Variants in EBF1 observed in about 807,000 individuals in gnomAD.
EBF1 encodes the protein EBF transcription factor 1.
Under a neutral mutation model 68.4 loss-of-function variants are expected in EBF1, and 10 were observed. The observed-to-expected ratio is 0.15, with a 90% CI of 0.09 to 0.25. The LOEUF is 0.25. EBF1 is among the 10% of genes least tolerant of loss of function. EBF1 has a pLI of 1.00. For missense variants in EBF1, 509 were observed against 794.4 expected (o/e 0.64, Z 4.32); for synonymous variants, 298 against 299.8 (o/e 0.99, Z 0.06).
rs770682733 is a variant in EBF1 at position 158,768,016 on chromosome 5, T to C, written c.1036+9397A>G. ...TGGAATTCATTTACCTTGGAGGTTG[T>C]TTAGCTTGAAAACAGAAGCAGTGCC... On this transcript the variant is annotated intron_variant, in intron 10 of 15. Transcript: ENST00000313708. 2.4e-4 allele frequency among the ~76,000 whole-genome samples: 37 copies of C among 152,090 alleles called. 1 individual carries two copies. The highest frequency in any genetic ancestry group is 1.3e-4 in the Admixed American group (2 of 15,250).
chr5:159,050,148 CTCTT>C (rs1305395765), intron 6 of EBF1, among the ~76,000 whole-genome samples: 5 of 116,062 alleles, frequency 4.3e-5, no homozygotes, highest in African/African-American at 1.1e-4. Flanking sequence ...AGGTTCGTTT[CTCTT>C]TCTCTCTCTC....
chr5:158,905,838 G>T (rs528930038), intron 6 of EBF1, among the ~76,000 whole-genome samples: 1 of 152,250 alleles, frequency 6.6e-6, no homozygotes, highest in South Asian at 2.1e-4. Flanking sequence ...AAGAAAATAG[G>T]GGACCTGTAA....
At chr5:159,036,006 C>G (rs768271928) in intron 6 of EBF1, among the ~76,000 whole-genome samples, 1 of 152,184 alleles carries the variant, frequency 6.6e-6, no homozygotes, top group Non-Finnish European at 1.5e-5. Flanking sequence ...CTATTTCACT[C>G]TATTCATATC....
chr5:158,700,408 T>C (rs770530217), intron 15 of EBF1, among the ~76,000 whole-genome samples: 12 of 152,234 alleles, frequency 7.9e-5, no homozygotes, highest in Non-Finnish European at 1.3e-4. Context: ...CATTGCTTTC[T>C]TTTTATGGCA....
intron 6 of EBF1, among the ~76,000 whole-genome samples, chr5:158,945,652 G>A (rs573380017): frequency 6.6e-6 from 1 of 152,240 alleles, no homozygotes; most frequent in African/African-American, 2.4e-5. Flanking sequence ...TATGTGTCTT[G>A]GGGCTGCTCT....
At chr5:158,963,734 A>G (rs1337158281) in intron 6 of EBF1, among the ~76,000 whole-genome samples, 1 of 152,240 alleles carries the variant, frequency 6.6e-6, no homozygotes, top group Non-Finnish European at 1.5e-5. Context: ...CTATTAATGA[A>G]TGGCAGTATA....
At chr5:159,066,710 T>C (rs1776866951) in intron 6 of EBF1, among the ~76,000 whole-genome samples, 1 of 152,102 alleles carries the variant, frequency 6.6e-6, no homozygotes, top group Non-Finnish European at 1.5e-5. Flanking sequence ...GAATAAGTAC[T>C]GTAACGTTAA....
At chr5:158,840,223 A>G in intron 6 of EBF1, 113 bp from the exon 7 acceptor site, 1 of 773,914 alleles carries the variant, frequency 1.3e-6, no homozygotes, top group Non-Finnish European at 2.2e-6. Flanking sequence ...GTTTTCTGAA[A>G]TATTCAGCAT....
chr5:159,031,130 T>C (rs1026768353), intron 6 of EBF1, among the ~76,000 whole-genome samples: 2 of 152,092 alleles, frequency 1.3e-5, no homozygotes, highest in Admixed American at 1.3e-4. Flanking sequence ...GCTGAGATCA[T>C]GCCACTGTAC....
At chr5:158,711,752 T>C (rs2127486445) in intron 14 of EBF1, among the ~76,000 whole-genome samples, 1 of 152,130 alleles carries the variant, frequency 6.6e-6, no homozygotes, top group Non-Finnish European at 1.5e-5. Flanking sequence ...TGGCTCACTG[T>C]AACCTTGAAC....
chr5:158,827,279 G>A (rs1359009071), intron 7 of EBF1, among the ~76,000 whole-genome samples: 1 of 152,184 alleles, frequency 6.6e-6, no homozygotes, highest in East Asian at 1.9e-4. Context: ...GATACAGAAA[G>A]TGTTTCTTCT....
rs61380054 is a variant in EBF1 at position 158,737,266 on chromosome 5, A to ATTTTTTTT, written c.1037-6117_1037-6110dup. 1.7e-3 allele frequency among the ~76,000 whole-genome samples: 95 copies of ATTTTTTTT among 55,644 alleles called. 2 individuals carry two copies. The highest frequency in any genetic ancestry group is 2.4e-3 in the African/African-American group (30 of 12,610). The allele number at this position is 55,644 out of a possible 152,430, so 36.5% of individuals were successfully genotyped here. ...CCAAACTGCCTTTGAACATGCCCTGATTTTTTTTTTTTTTTTTTTTTTTTT... is the reference window on the plus strand; with the variant it reads ...CCAAACTGCCTTTGAACATGCCCTGATTTTTTTTTTTTTTTTTTTTTTTTTTTTTTTTT... On this transcript the variant is annotated intron_variant, in intron 10 of 15. Coordinates refer to ENST00000313708, the MANE Select transcript of EBF1 (RefSeq NM_024007.5).
chr5:159,051,711 AG>A (rs1314434058), intron 6 of EBF1, among the ~76,000 whole-genome samples: 1 of 151,776 alleles, frequency 6.6e-6, no homozygotes, highest in African/African-American at 2.4e-5. Context: ...GGCATTCAGA[AG>A]GGGGGGCAAG....
chr5:158,775,212 T>C (rs7707318), intron 10 of EBF1, among the ~76,000 whole-genome samples: 1 of 152,072 alleles, frequency 6.6e-6, no homozygotes, highest in African/African-American at 2.4e-5. Context: ...GATGGCAATT[T>C]TTTTTTTTAG....
chr5:158,719,348 C>T (rs1269840814), intron 11 of EBF1, among the ~76,000 whole-genome samples: 1 of 152,114 alleles, frequency 6.6e-6, no homozygotes, highest in Non-Finnish European at 1.5e-5. Context: ...TGGTCCTCAG[C>T]CTTTTATTAG....
rs368596384 is a variant in EBF1 at position 158,850,878 on chromosome 5, G to A, written c.555-10768C>T. 2.2e-4 allele frequency among the ~76,000 whole-genome samples: 33 copies of A among 151,150 alleles called. No individual in the cohort carries two copies. The South Asian group carries it at 2.5e-3, about 12-fold the overall frequency. On this transcript the variant is annotated intron_variant, in intron 6 of 15. Transcript: ENST00000313708. ...AAAAATTAGCCAGGCATGGTGGCGG[G>A]CACCTGAAATCCCAGCTATTCTGGA... is the stretch of plus-strand genomic sequence containing the variant.
chr5:158,924,475 A>G (rs891473854), intron 6 of EBF1, among the ~76,000 whole-genome samples: 22 of 152,132 alleles, frequency 1.4e-4, no homozygotes, highest in Non-Finnish European at 2.9e-4. Flanking sequence ...TTCTCTCCCC[A>G]CACCAGCCAC....
intron 9 of EBF1, among the ~76,000 whole-genome samples, chr5:158,780,585 T>G (rs908487662): frequency 3.9e-5 from 6 of 152,130 alleles, no homozygotes; most frequent in Non-Finnish European, 7.4e-5. Flanking sequence ...AACTGCAAAA[T>G]AAGAAGGTAT....
chr5:158,877,856 C>T lies in EBF1; in HGVS notation c.555-37746G>A, dbSNP rs141371374. Among the ~76,000 whole-genome samples, 307 of 152,008 alleles carry T rather than the reference C, an allele frequency of 2.0e-3. 3 individuals carry two copies. The highest frequency in any genetic ancestry group is 7.2e-3 in the African/African-American group (299 of 41,478). On this transcript the variant is annotated intron_variant, in intron 6 of 15. Coordinates refer to ENST00000313708, the MANE Select transcript of EBF1 (RefSeq NM_024007.5). Reference sequence around the variant, plus strand: ...GAAGCCTCATTAGAATAATTAGGAACGAAGTCATTTCCGGTCGCCATATAT... The same window carrying T: ...GAAGCCTCATTAGAATAATTAGGAATGAAGTCATTTCCGGTCGCCATATAT...
Sources: allele counts gnomAD v4.1 joint callset (sites outside exome capture counted in the v4.1 genomes callset), GRCh38; gene constraint gnomAD v4.1.1; transcripts MANE v1.5; gene names NCBI Gene and HGNC (gene_info 2026-07-23, HGNC 2026-07-21).